The following PTPRM variants were observed in gnomAD, a reference collection of about 807,000 sequenced individuals.
PTPRM encodes the protein protein tyrosine phosphatase receptor type M, also known as receptor-type tyrosine-protein phosphatase mu.
PTPRM carries 47 observed loss-of-function variants against 186.7 expected under a neutral mutation model. That is an observed-to-expected ratio of 0.25 (90% CI 0.20 to 0.32). PTPRM has a LOEUF of 0.32. Ranked by LOEUF, PTPRM falls within the 10% of genes least tolerant of loss-of-function variation. The pLI, the probability that PTPRM is intolerant of heterozygous loss-of-function variation, is 1.00. For missense variants in PTPRM, 1,494 were observed against 1,865.0 expected (o/e 0.80, Z 3.66); for synonymous variants, 668 against 674.9 (o/e 0.99, Z 0.16).
intron 7 of PTPRM, among the ~76,000 whole-genome samples, chr18:7,989,201 T>TG (rs1433533293): frequency 6.6e-6 from 1 of 152,110 alleles, no homozygotes; most frequent in Non-Finnish European, 1.5e-5. Flanking sequence ...GCTAATTTTT[T>TG]TTTTTTAATT....
At chr18:8,167,699 A>G (rs1417600353) in intron 14 of PTPRM, among the ~76,000 whole-genome samples, 3 of 151,006 alleles carry the variant, frequency 2.0e-5, no homozygotes, top group Non-Finnish European at 2.9e-5. Flanking sequence ...GCCATGCAGC[A>G]GGAGGAATTG....
At chr18:7,986,194 A>T (rs962093833) in intron 7 of PTPRM, among the ~76,000 whole-genome samples, 1 of 152,222 alleles carries the variant, frequency 6.6e-6, no homozygotes, top group Non-Finnish European at 1.5e-5. Context: ...CTATAGTTCA[A>T]GTCCTCAGTA....
chr18:7,685,151 G>A (rs1197563869), intron 1 of PTPRM, among the ~76,000 whole-genome samples: 1 of 152,142 alleles, frequency 6.6e-6, no homozygotes, highest in Non-Finnish European at 1.5e-5. Context: ...GATCTGGGGT[G>A]GGTAAGTGCA....
chr18:8,258,905 A>G (rs1020332355), intron 19 of PTPRM, among the ~76,000 whole-genome samples: 1 of 151,992 alleles, frequency 6.6e-6, no homozygotes, highest in Non-Finnish European at 1.5e-5. Context: ...ATGTATCTAA[A>G]TATATTAAGA....
intron 14 of PTPRM, among the ~76,000 whole-genome samples, chr18:8,164,895 A>T (rs2093295857): frequency 4.3e-5 from 1 of 23,394 alleles, no homozygotes; most frequent in South Asian, 9.8e-3. Context: ...GGCCAGGCGC[A>T]GTGGCACATG....
chr18:7,729,021 C>T (rs988548510), intron 1 of PTPRM, among the ~76,000 whole-genome samples: 2 of 151,820 alleles, frequency 1.3e-5, no homozygotes, highest in Admixed American at 1.3e-4. Flanking sequence ...AGCAATCCTC[C>T]TGCCTCAGCC....
At chr18:7,573,882 C>T (rs1598436702) in intron 1 of PTPRM, among the ~76,000 whole-genome samples, 3 of 152,196 alleles carry the variant, frequency 2.0e-5, no homozygotes, top group African/African-American at 4.8e-5. Flanking sequence ...TGAGCCACCA[C>T]GCCTGGCCCT....
At chr18:7,801,074 T>C (rs2043939357) in intron 2 of PTPRM, among the ~76,000 whole-genome samples, 1 of 152,180 alleles carries the variant, frequency 6.6e-6, no homozygotes, top group Non-Finnish European at 1.5e-5. Context: ...ACTGTGGATT[T>C]TATAAACACT....
chr18:7,592,302 G>A (rs1240472139), intron 1 of PTPRM, among the ~76,000 whole-genome samples: 1 of 152,194 alleles, frequency 6.6e-6, no homozygotes. Flanking sequence ...GGAGCTAGGA[G>A]AGTAAAAATA....
At chr18:8,279,890 C>A (rs2094881792) in intron 19 of PTPRM, among the ~76,000 whole-genome samples, 1 of 152,196 alleles carries the variant, frequency 6.6e-6, no homozygotes. Flanking sequence ...GCTCAGGGGT[C>A]TGGCTTTCTA....
intron 1 of PTPRM, among the ~76,000 whole-genome samples, chr18:7,605,200 A>G (rs1358608497): frequency 6.6e-6 from 1 of 152,082 alleles, no homozygotes; most frequent in African/African-American, 2.4e-5. Context: ...CACCAAAAAA[A>G]CCCATGTTTT....
intron 20 of PTPRM, among the ~76,000 whole-genome samples, chr18:8,307,246 T>C (rs1382503901): frequency 6.6e-6 from 1 of 152,170 alleles, no homozygotes; most frequent in African/African-American, 2.4e-5. Context: ...CTGGAAGACA[T>C]AGGGATTAAC....
intron 22 of PTPRM, among the ~76,000 whole-genome samples, chr18:8,339,298 C>T (rs772811693): frequency 1.3e-5 from 2 of 151,666 alleles, no homozygotes; most frequent in African/African-American, 2.4e-5. Context: ...CTGGAGGAGA[C>T]GGAATGTATT....
chr18:8,093,267 C>A (rs1425388061), intron 11 of PTPRM, among the ~76,000 whole-genome samples: 1 of 152,108 alleles, frequency 6.6e-6, no homozygotes, highest in Non-Finnish European at 1.5e-5. Context: ...GCATGCCAAC[C>A]TCATGGGGTT....
At chr18:8,403,526 A>G (rs2095883713) in intron 32 of PTPRM, 1 of 152,182 alleles carries the variant, frequency 6.6e-6, no homozygotes, top group African/African-American at 2.4e-5. Flanking sequence ...CCCAATCCCC[A>G]CCATTACATG....
chr18:8,388,495 G>C (rs2095792047), intron 31 of PTPRM, among the ~76,000 whole-genome samples: 1 of 152,178 alleles, frequency 6.6e-6, no homozygotes, highest in South Asian at 2.1e-4. Flanking sequence ...AAACACGATA[G>C]TGTCTCATCC....
At chr18:8,358,181 T>C (rs1459173) in intron 23 of PTPRM, among the ~76,000 whole-genome samples, 34,808 of 150,658 alleles carry the variant, frequency 0.23, 4,722 homozygotes, top group Middle Eastern at 0.32. Context: ...CCAGACTAGA[T>C]CTCTTTTACA....
chr18:7,580,763 A>T (rs751568569), intron 1 of PTPRM, among the ~76,000 whole-genome samples: 24 of 152,228 alleles, frequency 1.6e-4, no homozygotes, highest in Admixed American at 6.5e-4. Context: ...AACGTGGGGT[A>T]CATGTACCAT....
At chr18:8,204,168 G>A (rs1253398440) in intron 14 of PTPRM, among the ~76,000 whole-genome samples, 3 of 152,082 alleles carry the variant, frequency 2.0e-5, no homozygotes, top group African/African-American at 7.2e-5. Context: ...TGAGATTGGG[G>A]GTGGGGAATT....
Sources: gnomAD v4.1 joint callset for allele counts (sites outside exome capture counted in the v4.1 genomes callset) on GRCh38, gnomAD v4.1.1 for gene constraint, MANE v1.5 for transcripts, NCBI Gene and HGNC (gene_info 2026-07-23, HGNC 2026-07-21) for gene names.